The following BIN2 variants were observed in gnomAD, a reference collection of about 807,000 sequenced individuals.
The protein encoded by BIN2 is bridging integrator 2, also known as breast cancer associated protein BRAP1.
Under a neutral mutation model 67.9 loss-of-function variants are expected in BIN2, and 43 were observed. That is an observed-to-expected ratio of 0.63 (90% confidence interval 0.50 to 0.82). The LOEUF (loss-of-function observed/expected upper bound fraction) is 0.82. Ranked by LOEUF, BIN2 falls within the 40% of genes least tolerant of loss-of-function variation. The pLI, the probability that BIN2 is intolerant of heterozygous loss-of-function variation, is 0.00. For synonymous variants in BIN2, 244 were observed against 246.8 expected, an observed-to-expected ratio of 0.99 and a Z score of 0.11; for missense variants, 581 against 671.6, an observed-to-expected ratio of 0.87 and a Z score of 1.49.
chr12:51,324,460 C>G (rs1162121080), upstream of BIN2: 1 of 1,510,638 alleles, frequency 6.6e-7, no homozygotes, highest in East Asian at 2.5e-5. Context: ...TGCAAAGCAA[C>G]TGCCACCGCA....
At chr12:51,314,004 C>T in intron 1 of BIN2, 101 bp from the exon 2 acceptor site, 1 of 645,956 alleles carries the variant, frequency 1.5e-6, no homozygotes, top group East Asian at 2.8e-5. Flanking sequence ...TCACTTACAA[C>T]TCAAGGGCTG....
intron 2 of BIN2, chr12:51,304,003 G>A (rs555504002): frequency 6.6e-6 from 1 of 152,296 alleles, no homozygotes; most frequent in Admixed American, 6.5e-5. Flanking sequence ...CCAGCACTTC[G>A]GGAGGCCAAG....
intron 2 of BIN2, among the ~76,000 whole-genome samples, chr12:51,306,365 A>AT (rs1301190025): frequency 6.6e-6 from 1 of 152,204 alleles, no homozygotes; most frequent in East Asian, 1.9e-4. Context: ...GGTAGCTCAA[A>AT]TCTGTAATCC....
chr12:51,315,017 C>G (rs1946085322), intron 1 of BIN2, among the ~76,000 whole-genome samples: 1 of 151,834 alleles, frequency 6.6e-6, no homozygotes, highest in South Asian at 2.1e-4. Flanking sequence ...CCACACCTCA[C>G]TAATTTTTAA....
Position 51,290,653 on chromosome 12 carries a change from G to C in BIN2, c.1515+938C>G, listed in dbSNP as rs1592252936. Among the ~76,000 whole-genome samples the C allele has an allele frequency of 2.6e-5, 4 of 151,902 alleles. No individual in the cohort carries two copies. In the East Asian group the frequency reaches 7.9e-4, roughly 30 times the overall value. On this transcript the variant is annotated intron_variant, in intron 10 of 12. Transcript: ENST00000615107. ...CAGCCTGCCCAACTTGGAGAAACCAGCTGGGCGAGGTGGCTCACCCCTGTA... is the reference window on the plus strand; with the variant it reads ...CAGCCTGCCCAACTTGGAGAAACCACCTGGGCGAGGTGGCTCACCCCTGTA...
chr12:51,294,589 AC>A lies in BIN2; in HGVS notation c.761+1206del, dbSNP rs1303491571. On this transcript the variant is annotated intron_variant, in intron 9 of 12. Coordinates refer to ENST00000615107, the MANE Select transcript of BIN2 (RefSeq NM_016293.4). ...CTCAAAAAAAAAAAAAACAAAAAAA[AC>A]CCCCCAAAAACATGCAAAACAATAT... Among the ~76,000 whole-genome samples, 755 of 151,260 alleles carry A rather than the reference AC, an allele frequency of 5.0e-3. 5 individuals carry two copies. Among genetic ancestry groups the A allele is most frequent in the African/African-American group, 0.017 (689 of 41,214 alleles).
chr12:51,297,925 G>C (rs897106916), intron 7 of BIN2, among the ~76,000 whole-genome samples: 1 of 152,168 alleles, frequency 6.6e-6, no homozygotes, highest in African/African-American at 2.4e-5. Flanking sequence ...GAATCAAGGA[G>C]GTATACTTTT....
chr12:51,302,532 C>T (rs1461275487), intron 4 of BIN2, 154 bp downstream of exon 4: 1 of 683,078 alleles, frequency 1.5e-6, no homozygotes, highest in South Asian at 1.8e-5. Context: ...ACAGTTGTAG[C>T]TTCTTCCTAC....
Position 51,324,002 on chromosome 12 carries a change from A to G in BIN2, c.81+20T>C. On this transcript the variant is annotated intron_variant, in intron 1 of 12. Coordinates refer to ENST00000615107, the MANE Select transcript of BIN2 (RefSeq NM_016293.4). ...TCGGCTCCCTGTGGGCCAGACAGAC[A>G]GCGAGGCCCGGCCACCTACCTTCTC... 6.2e-7 allele frequency: 1 copy of G among 1,611,946 alleles called. No homozygotes were observed. Among genetic ancestry groups the G allele is most frequent in the Non-Finnish European group, 8.5e-7 (1 of 1,179,006 alleles).
chr12:51,283,988 C>T (rs529577299), intron 12 of BIN2, among the ~76,000 whole-genome samples: 11 of 93,602 alleles, frequency 1.2e-4, no homozygotes, highest in African/African-American at 3.0e-4. Context: ...AGTGAAACTC[C>T]GTCTCAAAAA....
intron 1 of BIN2, among the ~76,000 whole-genome samples, chr12:51,317,519 A>G (rs1307722415): frequency 6.6e-6 from 1 of 152,002 alleles, no homozygotes; most frequent in Non-Finnish European, 1.5e-5. Context: ...TACAAAAAAA[A>G]TTAGCTGGGT....
At chr12:51,323,061 A>G (rs1391252389) in intron 1 of BIN2, 1 of 152,112 alleles carries the variant, frequency 6.6e-6, no homozygotes, top group Non-Finnish European at 1.5e-5. Flanking sequence ...GAAAACCAAA[A>G]CTTCTCCGTT....
At position 51,294,581 on chromosome 12, in the gene BIN2, C is replaced by CA. The variant is rs1284896244; in HGVS notation, c.761+1214dup. Among the ~76,000 whole-genome samples the CA allele has an allele frequency of 1.6e-4, 22 of 140,100 alleles. No homozygotes were observed. In the East Asian group the frequency reaches 1.6e-3, roughly 10 times the overall value. The allele number at this position is 140,100 out of a possible 152,430, so 91.9% of individuals were successfully genotyped here. A position where few individuals can be genotyped will look rare whatever the true frequency, so the allele number is the denominator to read the frequency against. ...GACCCTGTCTCAAAAAAAAAAAAAACAAAAAAAACCCCCCAAAAACATGCA... is the reference window on the plus strand; with the variant it reads ...GACCCTGTCTCAAAAAAAAAAAAAACAAAAAAAAACCCCCCAAAAACATGCA... On this transcript the variant is annotated intron_variant, in intron 9 of 12. Coordinates refer to ENST00000615107, the MANE Select transcript of BIN2 (RefSeq NM_016293.4).
intron 1 of BIN2, among the ~76,000 whole-genome samples, chr12:51,318,152 G>A (rs1353226856): frequency 1.3e-5 from 2 of 152,124 alleles, no homozygotes; most frequent in African/African-American, 4.8e-5. Context: ...AATGAAGCTA[G>A]AAAGGGAGAC....
At chr12:51,295,211 C>G (rs1297185553) in intron 9 of BIN2, among the ~76,000 whole-genome samples, 1 of 148,554 alleles carries the variant, frequency 6.7e-6, no homozygotes, top group Non-Finnish European at 1.5e-5. Flanking sequence ...TCCCAAAGTA[C>G]TGGGATTATA....
intron 2 of BIN2, among the ~76,000 whole-genome samples, chr12:51,313,184 GAGGAAGGAAGGAAGGAAGGAAGGA>G (rs534447282): frequency 8.8e-6 from 1 of 113,730 alleles, no homozygotes; most frequent in Admixed American, 9.3e-5. Flanking sequence ...GTTGCAGTGA[GAGGAAGGAAGGAAGGAAGGAAGGA>G]AGGAAGGAAG....
At chr12:51,285,304 G>A (rs7135736) in intron 11 of BIN2, among the ~76,000 whole-genome samples, 124,952 of 152,020 alleles carry the variant, frequency 0.82, 52,552 homozygotes, top group East Asian at 0.94. Flanking sequence ...TCTAGACCAC[G>A]TGCAGGGGTG....
At chr12:51,298,808 C>G (rs1415570759) in intron 7 of BIN2, among the ~76,000 whole-genome samples, 1 of 152,084 alleles carries the variant, frequency 6.6e-6, no homozygotes, top group African/African-American at 2.4e-5. Context: ...GTGGCTCACG[C>G]CTGTAATCCC....
chr12:51,301,397 T>TA (rs1428971726), intron 5 of BIN2, among the ~76,000 whole-genome samples: 1 of 152,188 alleles, frequency 6.6e-6, no homozygotes, highest in African/African-American at 2.4e-5. Flanking sequence ...TCCTCTTCTA[T>TA]ACAATAAACA....
Sources: allele counts gnomAD v4.1 joint callset (sites outside exome capture counted in the v4.1 genomes callset), GRCh38; gene constraint gnomAD v4.1.1; transcripts MANE v1.5; gene names NCBI Gene and HGNC (gene_info 2026-07-23, HGNC 2026-07-21).